The following FLT4 variants were observed in gnomAD, a reference collection of about 807,000 sequenced individuals.
FLT4 encodes vascular endothelial growth factor receptor 3.
Under a neutral mutation model 163.2 loss-of-function variants are expected in FLT4, and 30 were observed. The observed-to-expected ratio is 0.18, with a 90% CI of 0.14 to 0.25. The LOEUF is 0.25. Among genes scored for constraint, FLT4 ranks in the 10% least tolerant of loss-of-function variants. FLT4 has a pLI of 1.00. For synonymous variants in FLT4, 884 were observed against 789.5 expected, an observed-to-expected ratio of 1.12 and a Z score of -2.01; for missense variants, 1,510 against 1,863.8, an observed-to-expected ratio of 0.81 and a Z score of 3.50.
At chr5:180,646,822 C>G (rs552872380) in intron 1 of FLT4, among the ~76,000 whole-genome samples, 3 of 152,344 alleles carry the variant, frequency 2.0e-5, no homozygotes, top group South Asian at 4.1e-4. Flanking sequence ...ATTCGCCAGA[C>G]AGACCACACA....
At chr5:180,609,343 A>T in intron 28 of FLT4, 1 of 516,802 alleles carries the variant, frequency 1.9e-6, no homozygotes, top group Non-Finnish European at 3.5e-6. Flanking sequence ...GAAGAGCAGG[A>T]GCCGTGGGAG....
intron 1 of FLT4, 150 bp downstream of exon 1, chr5:180,649,338 C>T (rs1765636297): frequency 2.1e-6 from 1 of 480,632 alleles, no homozygotes; most frequent in Non-Finnish European, 3.4e-6. Context: ...GCGCCCCAAG[C>T]GCCGTGCTCC....
At chr5:180,603,472 G>A (rs569466743) in intron 29 of FLT4, 82 bp from the exon 30 acceptor site, 6 of 1,329,704 alleles carry the variant, frequency 4.5e-6, no homozygotes, top group African/African-American at 2.9e-5. Flanking sequence ...CAGTACTTGG[G>A]AGGCCTAGGC....
chr5:180,622,843 G>C lies in FLT4; in HGVS notation c.1549-4C>G. On this transcript the variant is annotated splice_polypyrimidine_tract_variant and splice_region_variant and intron_variant, in intron 11 of 29. Coordinates refer to ENST00000261937, the MANE Select transcript of FLT4 (RefSeq NM_182925.5). ...GGATCACCAGCTTGCTCACAGTCTG[G>C]GAGAGCACAGGCACAAGGATCCATT... The C allele has an allele frequency of 1.3e-6, 2 of 1,597,524 alleles. No individual in the cohort carries two copies. Among genetic ancestry groups the C allele is most frequent in the Non-Finnish European group, 1.7e-6 (2 of 1,165,542 alleles).
intron 1 of FLT4, among the ~76,000 whole-genome samples, chr5:180,648,097 C>T (rs1245486268): frequency 6.6e-6 from 1 of 152,192 alleles, no homozygotes; most frequent in African/African-American, 2.4e-5. Context: ...ATAAGCGTCT[C>T]CCATTCTACA....
rs1458516455 is a variant in FLT4 at position 180,630,781 on chromosome 5, C to A, written c.174G>T (p.Glu58Asp). The A allele has an allele frequency of 3.1e-6, 5 of 1,605,128 alleles. No individual in the cohort carries two copies. The Admixed American group carries it at 8.3e-5, about 27-fold the overall frequency. Reference protein sequence around the residue: ...SISCRGQHPLEWAWPGAQEAP... With the variant: ...SISCRGQHPLDWAWPGAQEAP... The stretch of plus-strand genomic sequence containing the variant: ...CCTCCTGAGCTCCTGGCCAAGCCCA[C>A]TCGAGGGGGTGCTGTCCCCTGGCAG... The change falls in exon 3 of 30, where the codon GAG becomes GAT. Residue 58 changes from glutamate to aspartate, a missense_variant. This residue lies in a region of FLT4 where 157 missense variants were observed against 178.7 expected (regional missense o/e 0.88). Coordinates refer to ENST00000261937, the MANE Select transcript of FLT4 (RefSeq NM_182925.5). This position sits in a 1 kb window ranked among gnomAD's most constrained non-coding sequence, Gnocchi z 6.3.
Position 180,626,245 on chromosome 5 carries a change from A to T in FLT4, c.1124T>A (p.Leu375Gln). 1 of 1,612,646 alleles carries T rather than the reference A, an allele frequency of 6.2e-7. No individual in the cohort carries two copies. The highest frequency in any genetic ancestry group is 8.5e-7 in the Non-Finnish European group (1 of 1,179,990). Reference protein sequence around the residue: ...EFQWYKDGKALSGRHSPHALV... With the variant: ...EFQWYKDGKAQSGRHSPHALV... The stretch of plus-strand genomic sequence containing the variant: ...GGCATGTGGACTGTGGCGCCCGGAC[A>T]GTGCCTTTCCATCCTTGTACCTGGC... Residue 375 changes from leucine (L) to glutamine (Q), a missense_variant, in exon 9 of 30, where the codon CTG (leucine) becomes CAG (glutamine). Leu to Gln is a moderately radical substitution (Grantham distance 113). This residue lies in a region of FLT4 where 878 missense variants were observed against 1,016.7 expected (regional missense o/e 0.86). Coordinates refer to ENST00000261937, the MANE Select transcript of FLT4 (RefSeq NM_182925.5).
At chr5:180,605,240 C>T (rs539306022) in intron 29 of FLT4, among the ~76,000 whole-genome samples, 8 of 152,356 alleles carry the variant, frequency 5.3e-5, no homozygotes, top group African/African-American at 1.4e-4. Context: ...GCTGTGATTA[C>T]AGGTGAGAGC....
At chr5:180,611,851 T>G in intron 26 of FLT4, 1 of 353,242 alleles carries the variant, frequency 2.8e-6, no homozygotes, top group Non-Finnish European at 5.4e-6. Context: ...CAGGTACATT[T>G]ATGGATGAGG....
chr5:180,630,476 C>T lies in FLT4; in HGVS notation c.400+79G>A. ...GCCCCGTTCTCTCCTCCTGCCAGCC[C>T]AGGGTCCACAGGCTGGGGGCGGTGT... On this transcript the variant is annotated intron_variant, in intron 3 of 29. Transcript: ENST00000261937. The surrounding 1 kb of genome is among the most constrained non-coding windows in gnomAD (Gnocchi z 6.3). The T allele has an allele frequency of 6.3e-7, 1 of 1,596,804 alleles. No individual in the cohort carries two copies. The highest frequency in any genetic ancestry group is 8.5e-7 in the Non-Finnish European group (1 of 1,171,142).
intron 1 of FLT4, among the ~76,000 whole-genome samples, chr5:180,633,702 G>C (rs1764341527): frequency 6.6e-6 from 1 of 152,186 alleles, no homozygotes; most frequent in African/African-American, 2.4e-5. Flanking sequence ...ATGCCAGGAA[G>C]ACAGCTGGGC....
chr5:180,607,464 G>A (rs35743545), intron 29 of FLT4, among the ~76,000 whole-genome samples: 46 of 151,242 alleles, frequency 3.0e-4, no homozygotes, highest in African/African-American at 1.1e-3. Flanking sequence ...GGCGAAACCC[G>A]GTCTCTACTA....
chr5:180,629,672 G>C, intron 6 of FLT4, 24 bp downstream of exon 6: 1 of 1,607,718 alleles, frequency 6.2e-7, no homozygotes, highest in Non-Finnish European at 8.5e-7. Context: ...GGACAGGACA[G>C]CCTGGCAGCG....
At chr5:180,619,219 G>A in intron 19 of FLT4, 34 bp downstream of exon 19, 1 of 1,527,518 alleles carries the variant, frequency 6.5e-7, no homozygotes, top group Non-Finnish European at 8.8e-7. Context: ...CGCGCCCGGG[G>A]TCTCGCCGTC....
intron 23 of FLT4, among the ~76,000 whole-genome samples, chr5:180,615,442 G>GGC (rs748192337): frequency 3.0e-4 from 3 of 10,156 alleles, no homozygotes; most frequent in South Asian, 3.8e-3. Flanking sequence ...GGAGCACTGG[G>GGC]CCCGCCGGTC....
intron 29 of FLT4, among the ~76,000 whole-genome samples, chr5:180,604,620 G>A (rs568310454): frequency 9.9e-5 from 15 of 152,278 alleles, no homozygotes; most frequent in Non-Finnish European, 1.3e-4. Flanking sequence ...GGTGGTTTCT[G>A]CCCCTGCCCT....
rs766254486 is a variant in FLT4, at chr5:180,629,004, C to T, written c.986-5G>A. ...CGACGCTGATGAAGGGATTTTCTGC[C>T]GGACAGGAGAAGTCACTGTAAATCC... On this transcript the variant is annotated splice_polypyrimidine_tract_variant and splice_region_variant and intron_variant, in intron 7 of 29. Transcript: ENST00000261937. 13 of 1,608,178 alleles carry T rather than the reference C, an allele frequency of 8.1e-6. No individual in the cohort carries two copies. Among genetic ancestry groups the T allele is most frequent in the Admixed American group, 5.0e-5 (3 of 60,004 alleles).
chr5:180,608,692 C>T lies in FLT4; in HGVS notation c.3893+276G>A, dbSNP rs1315389087. Among the ~76,000 whole-genome samples the T allele has an allele frequency of 3.9e-5, 6 of 152,096 alleles. No individual in the cohort carries two copies. The East Asian group carries it at 7.7e-4, about 20-fold the overall frequency. ...TGTGTGCCCTGGGCATGGTGGGTTA[C>T]GTGTGGTGTCAGAAAGACACAGCAT... is the stretch of plus-strand genomic sequence containing the variant. On this transcript the variant is annotated intron_variant, in intron 29 of 29. Coordinates refer to ENST00000261937, the MANE Select transcript of FLT4 (RefSeq NM_182925.5).
Position 180,636,371 on chromosome 5 carries a change from G to T in FLT4, c.59-4593C>A, listed in dbSNP as rs537523765. Among the ~76,000 whole-genome samples, 1 of 152,200 alleles carries T rather than the reference G, an allele frequency of 6.6e-6. No individual in the cohort carries two copies. Among genetic ancestry groups the T allele is most frequent in the Admixed American group, 6.5e-5 (1 of 15,282 alleles). On this transcript the variant is annotated intron_variant, in intron 1 of 29. Coordinates refer to ENST00000261937, the MANE Select transcript of FLT4 (RefSeq NM_182925.5). The surrounding 1 kb of genome is among the most constrained non-coding windows in gnomAD (Gnocchi z 4.3). ...TCTGGCCACGGCACTGGCCCTGGGC[G>T]GTTACTGCCCTCCACCCCACATGCC...
Sources: allele counts gnomAD v4.1 joint callset (sites outside exome capture counted in the v4.1 genomes callset), GRCh38; gene constraint gnomAD v4.1.1; regional missense constraint gnomAD v4.1.1; non-coding constraint Gnocchi (gnomAD v3.1); transcripts MANE v1.5; gene names NCBI Gene and HGNC (gene_info 2026-07-23, HGNC 2026-07-21).